TSPEAR: variants seen among roughly 807,000 people sequenced by gnomAD.
TSPEAR encodes thrombospondin-type laminin G domain and EAR repeat-containing protein.
Under a neutral mutation model 71.6 loss-of-function variants are expected in TSPEAR, and 69 were observed. The observed-to-expected ratio is 0.96, with a 90% CI of 0.79 to 1.18. The LOEUF (loss-of-function observed/expected upper bound fraction) is 1.18. Ranked by LOEUF, TSPEAR falls within the 50% of genes most tolerant of loss-of-function variation. The probability of loss-of-function intolerance (pLI) is 0.00; values close to 1 mark genes in which losing one functional copy is unlikely to be tolerated. For missense variants in TSPEAR, 971 were observed against 894.9 expected, an observed-to-expected ratio of 1.09 and a Z score of -1.09; for synonymous variants, 402 against 387.2, an observed-to-expected ratio of 1.04 and a Z score of -0.45.
intron 9 of TSPEAR, among the ~76,000 whole-genome samples, chr21:44,510,103 C>T (rs142222887): frequency 6.6e-5 from 10 of 152,334 alleles, no homozygotes; most frequent in Non-Finnish European, 1.3e-4. Flanking sequence ...GGCCCAACTG[C>T]GGCACCTCTG....
chr21:44,601,108 C>A lies in TSPEAR; in HGVS notation c.83-33103G>T, dbSNP rs201619325. On this transcript the variant is annotated intron_variant, in intron 1 of 11. Coordinates refer to ENST00000323084, the MANE Select transcript of TSPEAR (RefSeq NM_144991.3). The stretch of plus-strand genomic sequence containing the variant: ...CTGCTGTGTGCCCATCTGCTGCAAG[C>A]CTGTCTGCTCTGGGATTTCCTCTTC... 614 of 1,609,152 alleles carry A rather than the reference C, an allele frequency of 3.8e-4. 4 individuals carry two copies. The African/African-American group carries it at 6.7e-3, about 17-fold the overall frequency.
chr21:44,690,551 A>C (rs949360561), intron 1 of TSPEAR: 1 of 985,434 alleles, frequency 1.0e-6, no homozygotes, highest in African/African-American at 1.7e-5. Context: ...TCACAGAACA[A>C]CACTCATGAT....
intron 1 of TSPEAR, among the ~76,000 whole-genome samples, chr21:44,673,607 A>G (rs1555946375): frequency 6.6e-6 from 1 of 152,246 alleles, no homozygotes; most frequent in Non-Finnish European, 1.5e-5. Context: ...TTTAAAGCAA[A>G]TGGACCTAAT....
At chr21:44,676,072 C>T in intron 1 of TSPEAR, 1 of 874,560 alleles carries the variant, frequency 1.1e-6, no homozygotes, top group Non-Finnish European at 2.0e-6. Context: ...AGGCATATGA[C>T]AGTAATTTAA....
At chr21:44,572,624 C>T (rs1186965286) in intron 1 of TSPEAR, among the ~76,000 whole-genome samples, 1 of 151,736 alleles carries the variant, frequency 6.6e-6, no homozygotes, top group Non-Finnish European at 1.5e-5. Flanking sequence ...GCTCCCGTGC[C>T]CACGTCCTCA....
chr21:44,530,720 C>T (rs8134306), intron 4 of TSPEAR, among the ~76,000 whole-genome samples: 1 of 152,154 alleles, frequency 6.6e-6, no homozygotes, highest in East Asian at 1.9e-4. Flanking sequence ...GAGCAGACAC[C>T]CAGCTGGCCT....
chr21:44,580,030 G>C, intron 1 of TSPEAR: 2 of 1,595,110 alleles, frequency 1.3e-6, no homozygotes, highest in South Asian at 1.1e-5. Flanking sequence ...AGATGGGTTT[G>C]CAGCAGACAG....
intron 1 of TSPEAR, chr21:44,637,269 G>A (rs1337406998): frequency 1.8e-6 from 2 of 1,088,240 alleles, no homozygotes; most frequent in Non-Finnish European, 2.7e-6. Flanking sequence ...CACCAACACG[G>A]AAGGGGAGGG....
At chr21:44,661,564 G>A (rs1412578651) in intron 1 of TSPEAR, among the ~76,000 whole-genome samples, 3 of 152,158 alleles carry the variant, frequency 2.0e-5, no homozygotes, top group Non-Finnish European at 4.4e-5. Flanking sequence ...TTATCGCCTT[G>A]CTATAAGGAA....
rs199567714 is a variant in TSPEAR, at chr21:44,528,626, C to T, written c.791-43G>A. 4.4e-6 allele frequency: 7 copies of T among 1,606,912 alleles called. No homozygotes were observed. The Admixed American group carries it at 6.8e-5, about 16-fold the overall frequency. On this transcript the variant is annotated intron_variant, in intron 5 of 11. Transcript: ENST00000323084. ...AAGATGAGTTTCCAGCAAGCCAGTG[C>T]CCCCAAAGGAAGACGACACAGGAAG...
At chr21:44,679,190 T>C (rs964412360) in intron 1 of TSPEAR, among the ~76,000 whole-genome samples, 6 of 152,232 alleles carry the variant, frequency 3.9e-5, no homozygotes, top group Non-Finnish European at 7.3e-5. Flanking sequence ...TAAATGTTTC[T>C]TTCTGAGAAA....
intron 1 of TSPEAR, among the ~76,000 whole-genome samples, chr21:44,698,331 C>A (rs1381861308): frequency 6.6e-6 from 1 of 152,202 alleles, no homozygotes. Flanking sequence ...ACCAGCCCGA[C>A]AGGAGGCCAG....
At position 44,506,104 on chromosome 21, in the gene TSPEAR, C is replaced by G. The variant is rs781862421; in HGVS notation, c.1755-1223G>C. 2.6e-5 allele frequency among the ~76,000 whole-genome samples: 4 copies of G among 152,188 alleles called. No homozygotes were observed. Among genetic ancestry groups the G allele is most frequent in the African/African-American group, 4.8e-5 (2 of 41,440 alleles). ...GCCTACAGGACCTGCAGGACCTGCT[C>G]GTTCACAGATGTTCTCCTAGAAGCA... On this transcript the variant is annotated intron_variant, in intron 10 of 11. Transcript: ENST00000323084. This position sits in a 1 kb window ranked among gnomAD's most constrained non-coding sequence, Gnocchi z 4.2.
chr21:44,595,769 CACAT>C (rs1555927540), intron 1 of TSPEAR, among the ~76,000 whole-genome samples: 3 of 152,188 alleles, frequency 2.0e-5, no homozygotes, highest in African/African-American at 4.8e-5. Context: ...TATGCACATA[CACAT>C]ACATACATAT....
chr21:44,539,144 G>A lies in TSPEAR; in HGVS notation c.304-5221C>T, dbSNP rs1260433822. Reference sequence around the variant, plus strand: ...AGAGCTGGGGAGCTGCAAGGATGGAGGCTCCTGGGAGCAAGGAGGGGGGGT... The same window carrying A: ...AGAGCTGGGGAGCTGCAAGGATGGAAGCTCCTGGGAGCAAGGAGGGGGGGT... On this transcript the variant is annotated intron_variant, in intron 2 of 11. Coordinates refer to ENST00000323084, the MANE Select transcript of TSPEAR (RefSeq NM_144991.3). 51 of 1,293,378 alleles carry A rather than the reference G, an allele frequency of 3.9e-5. No individual in the cohort carries two copies. In the African/African-American group the frequency reaches 6.6e-4, roughly 17 times the overall value. The allele number at this position is 1,293,378 out of a possible 1,614,324, so 80.1% of individuals were successfully genotyped here.
Position 44,612,426 on chromosome 21 carries a change from G to A in TSPEAR, c.83-44421C>T, listed in dbSNP as rs1981752518. 3.7e-6 allele frequency: 6 copies of A among 1,613,906 alleles called. No individual in the cohort carries two copies. The highest frequency in any genetic ancestry group is 5.1e-6 in the Non-Finnish European group (6 of 1,180,006). On this transcript the variant is annotated intron_variant, in intron 1 of 11. Transcript: ENST00000323084. The surrounding 1 kb of genome is among the most constrained non-coding windows in gnomAD (Gnocchi z 4.1). The stretch of plus-strand genomic sequence containing the variant: ...CAGTCTAGCTGCCAGCCGGCTTGCT[G>A]CACCTCCTCCCCCTGCCAACAGGCC...
chr21:44,624,091 A>G (rs1390655661), intron 1 of TSPEAR, among the ~76,000 whole-genome samples: 1 of 151,678 alleles, frequency 6.6e-6, no homozygotes, highest in Admixed American at 6.6e-5. Flanking sequence ...CACTTTCTTC[A>G]TTTCCCTCTT....
chr21:44,702,596 G>T, intron 1 of TSPEAR: 1 of 1,606,746 alleles, frequency 6.2e-7, no homozygotes, highest in African/African-American at 1.3e-5. Context: ...TCCTCCTGCT[G>T]CAGACCCTCC....
rs141890038 is a variant in TSPEAR, at chr21:44,679,127, C to T, written c.82+32306G>A. Among the ~76,000 whole-genome samples the T allele has an allele frequency of 4.0e-3, 602 of 152,226 alleles. 2 individuals carry two copies. Among genetic ancestry groups the T allele is most frequent in the African/African-American group, 0.012 (518 of 41,520 alleles). On this transcript the variant is annotated intron_variant, in intron 1 of 11. Coordinates refer to ENST00000323084, the MANE Select transcript of TSPEAR (RefSeq NM_144991.3). Reference sequence around the variant, plus strand: ...GGGTAATGGCACAGGGATCCACCAGCTTATCTTACCACCACCCAAGACACA... The same window carrying T: ...GGGTAATGGCACAGGGATCCACCAGTTTATCTTACCACCACCCAAGACACA...
Sources: gnomAD v4.1 joint callset for allele counts (sites outside exome capture counted in the v4.1 genomes callset) on GRCh38, gnomAD v4.1.1 for gene constraint, Gnocchi (gnomAD v3.1) non-coding constraint, MANE v1.5 for transcripts, NCBI Gene and HGNC (gene_info 2026-07-23, HGNC 2026-07-21) for gene names.